Variants in CD28 observed in about 807,000 individuals in gnomAD.
CD28 encodes the protein T-cell-specific surface glycoprotein CD28.
A neutral mutation model predicts 21.4 loss-of-function variants in CD28; 8 were observed. The ratio of observed to expected loss-of-function variants is 0.37; its 90% CI spans 0.22 to 0.68. The LOEUF is 0.68. Among genes scored for constraint, CD28 ranks in the 30% least tolerant of loss-of-function variants. The pLI, the probability that CD28 is intolerant of heterozygous loss-of-function variation, is 0.55. For missense variants in CD28, 239 were observed against 272.2 expected (o/e 0.88, Z 0.86); for synonymous variants, 106 against 104.0 (o/e 1.02, Z -0.12).
rs765515314 is a variant in CD28 at position 203,734,839 on chromosome 2, G to A, written c.590G>A (p.Arg197His). 2.0e-5 allele frequency: 33 copies of A among 1,613,972 alleles called. No individual in the cohort carries two copies. Among genetic ancestry groups the A allele is most frequent in the Admixed American group, 1.3e-4 (8 of 60,000 alleles). Residue 197 changes from arginine to histidine, a missense_variant, in exon 4 of 4, where the codon CGC becomes CAC. Coordinates refer to ENST00000324106, the MANE Select transcript of CD28 (RefSeq NM_006139.4). Reference protein sequence around the residue: ...LHSDYMNMTPRRPGPTRKHYQ... With the variant: ...LHSDYMNMTPHRPGPTRKHYQ... ...AGTGACTACATGAACATGACTCCCCGCCGCCCCGGGCCCACCCGCAAGCAT... is the reference window on the plus strand; with the variant it reads ...AGTGACTACATGAACATGACTCCCCACCGCCCCGGGCCCACCCGCAAGCAT...
intron 1 of CD28, among the ~76,000 whole-genome samples, chr2:203,724,918 C>G (rs531863611): frequency 1.3e-5 from 2 of 152,182 alleles, no homozygotes; most frequent in African/African-American, 2.4e-5. Flanking sequence ...TATTAACATA[C>G]CCCAAAACAA....
intron 1 of CD28, among the ~76,000 whole-genome samples, chr2:203,721,701 T>A (rs1581507858): frequency 6.6e-6 from 1 of 152,318 alleles, no homozygotes; most frequent in Non-Finnish European, 1.5e-5. Flanking sequence ...GTTTCCCTGT[T>A]GCCCCCGGAA....
chr2:203,737,611 T>C lies in CD28; in HGVS notation c.*2699T>C, dbSNP rs1302370543. ...ACTATTAGTATGAACCAAGAAATGG[T>C]TCAAAAACAGTGGTAGGAGCAATGC... On this transcript the variant is annotated 3_prime_UTR_variant, in exon 4 of 4. Transcript: ENST00000324106. 1 of 152,590 alleles carries C rather than the reference T, an allele frequency of 6.6e-6. No individual in the cohort carries two copies. Among genetic ancestry groups the C allele is most frequent in the Non-Finnish European group, 1.5e-5 (1 of 68,024 alleles). 9.5% of individuals were successfully genotyped at this position (152,590 alleles called of 1,614,324 possible).
At position 203,719,392 on chromosome 2, in the gene CD28, T is replaced by C. The variant is rs142498440; in HGVS notation, c.53-7241T>C. 1.7e-4 allele frequency among the ~76,000 whole-genome samples: 26 copies of C among 152,302 alleles called. No individual in the cohort carries two copies. The East Asian group carries it at 4.6e-3, about 27-fold the overall frequency. ...GAAATGTATTTTGTTCTGGTCCTCT[T>C]CCCATTCCATTCACTCCCCTACTTA... On this transcript the variant is annotated intron_variant, in intron 1 of 3. Transcript: ENST00000324106.
At position 203,719,106 on chromosome 2, in the gene CD28, G is replaced by C. The variant is rs187789917; in HGVS notation, c.53-7527G>C. 1.5e-3 allele frequency among the ~76,000 whole-genome samples: 228 copies of C among 152,284 alleles called. 4 individuals are homozygous for C. The highest frequency in any genetic ancestry group is 0.013 in the Admixed American group (194 of 15,300). ...TAGATATGAGCATGAAATAAATTCA[G>C]TCTTGCTGAATGAACAAAGTTGTTT... On this transcript the variant is annotated intron_variant, in intron 1 of 3. Transcript: ENST00000324106.
rs928420852 is a variant in CD28 at position 203,738,272 on chromosome 2, C to G, written c.*3360C>G. ...AGGGTATTGATGGTTAAATGCATGTCTGATCCCTTATCCCAGCCATTTGCA... is the reference window on the plus strand; with the variant it reads ...AGGGTATTGATGGTTAAATGCATGTGTGATCCCTTATCCCAGCCATTTGCA... On this transcript the variant is annotated 3_prime_UTR_variant, in exon 4 of 4. Coordinates refer to ENST00000324106, the MANE Select transcript of CD28 (RefSeq NM_006139.4). The G allele has an allele frequency of 1.3e-5, 2 of 152,178 alleles. No individual in the cohort carries two copies. The highest frequency in any genetic ancestry group is 3.8e-4 in the East Asian group (2 of 5,196). The allele number at this position is 152,178 out of a possible 1,614,324, so 9.4% of individuals were successfully genotyped here.
intron 1 of CD28, among the ~76,000 whole-genome samples, chr2:203,712,160 C>G (rs975080008): frequency 3.3e-5 from 5 of 151,724 alleles, no homozygotes; most frequent in Admixed American, 6.6e-5. Context: ...TCAATGCACT[C>G]CAGCCTGGGT....
chr2:203,724,471 A>G (rs1002555036), intron 1 of CD28, among the ~76,000 whole-genome samples: 1 of 152,228 alleles, frequency 6.6e-6, no homozygotes, highest in Non-Finnish European at 1.5e-5. Flanking sequence ...CAATTAAATC[A>G]GAATTTCCGG....
At chr2:203,710,457 C>T (rs1295817760) in intron 1 of CD28, among the ~76,000 whole-genome samples, 1 of 152,164 alleles carries the variant, frequency 6.6e-6, no homozygotes, top group East Asian at 1.9e-4. Context: ...ATTGTAACTC[C>T]AAAGCTCTCA....
chr2:203,725,640 A>G (rs893674739), intron 1 of CD28, among the ~76,000 whole-genome samples: 3 of 152,128 alleles, frequency 2.0e-5, no homozygotes, highest in African/African-American at 2.4e-5. Flanking sequence ...AGATTCTTTG[A>G]TCTTTTATTG....
intron 1 of CD28, among the ~76,000 whole-genome samples, chr2:203,725,517 G>T (rs533789515): frequency 6.6e-6 from 1 of 151,912 alleles, no homozygotes; most frequent in East Asian, 1.9e-4. Context: ...ATATTGTCCT[G>T]TGCCAACAAT....
At chr2:203,734,545 C>A (rs938780228) in intron 3 of CD28, among the ~76,000 whole-genome samples, 1 of 152,166 alleles carries the variant, frequency 6.6e-6, no homozygotes, top group Non-Finnish European at 1.5e-5. Flanking sequence ...CAGATGACAG[C>A]ATTGAGAGTA....
chr2:203,709,349 T>A lies in CD28; in HGVS notation c.52+2601T>A, dbSNP rs563467586. Among the ~76,000 whole-genome samples the A allele has an allele frequency of 2.6e-5, 4 of 152,350 alleles. No homozygotes were observed. In the South Asian group the frequency reaches 8.3e-4, roughly 32 times the overall value. On this transcript the variant is annotated intron_variant, in intron 1 of 3. Transcript: ENST00000324106. ...GAAGAATAGTTCTTTTTTCCATTAA[T>A]TTAATAATGTGTGTGTATGTATGTA...
At position 203,734,984 on chromosome 2, in the gene CD28, A is replaced by G; in HGVS notation, c.*72A>G. 1 of 1,549,144 alleles carries G rather than the reference A, an allele frequency of 6.5e-7. No homozygotes were observed. On this transcript the variant is annotated 3_prime_UTR_variant, in exon 4 of 4. Transcript: ENST00000324106. ...TCAATATCACTGCTCTGGATAGGAAATGACCGCCATCTCCAGCCGGCCACC... is the reference window on the plus strand; with the variant it reads ...TCAATATCACTGCTCTGGATAGGAAGTGACCGCCATCTCCAGCCGGCCACC...
rs140533499 is a variant in CD28, at chr2:203,710,158, G to A, written c.52+3410G>A. On this transcript the variant is annotated intron_variant, in intron 1 of 3. Coordinates refer to ENST00000324106, the MANE Select transcript of CD28 (RefSeq NM_006139.4). ...AATGTCAAAAAATCAACAGATTGCC[G>A]TATTTACATGACTTCCAATATGCTG... Among the ~76,000 whole-genome samples, 25 of 152,284 alleles carry A rather than the reference G, an allele frequency of 1.6e-4. 1 individual carries two copies. Among genetic ancestry groups the A allele is most frequent in the South Asian group, 2.1e-4 (1 of 4,830 alleles).
At chr2:203,712,529 T>C (rs1322165539) in intron 1 of CD28, among the ~76,000 whole-genome samples, 4 of 152,256 alleles carry the variant, frequency 2.6e-5, no homozygotes, top group Non-Finnish European at 5.9e-5. Flanking sequence ...AAATTATTAC[T>C]GTGTATTGAC....
intron 1 of CD28, among the ~76,000 whole-genome samples, chr2:203,714,404 G>A (rs1009373270): frequency 6.6e-6 from 1 of 152,098 alleles, no homozygotes; most frequent in African/African-American, 2.4e-5. Flanking sequence ...TTCCAGTCAG[G>A]GATGTTAATC....
intron 1 of CD28, among the ~76,000 whole-genome samples, chr2:203,709,596 G>A (rs1342568671): frequency 3.3e-5 from 5 of 152,092 alleles, no homozygotes; most frequent in African/African-American, 7.2e-5. Context: ...TACTAGACTC[G>A]GATAATTGTG....
intron 1 of CD28, among the ~76,000 whole-genome samples, chr2:203,712,342 CAGAT>C (rs1263876448): frequency 6.6e-6 from 1 of 152,124 alleles, no homozygotes; most frequent in Admixed American, 6.5e-5. Context: ...CATCTGGAAA[CAGAT>C]AAATAACACT....
Sources: allele counts gnomAD v4.1 joint callset (sites outside exome capture counted in the v4.1 genomes callset), GRCh38; gene constraint gnomAD v4.1.1; transcripts MANE v1.5; gene names NCBI Gene and HGNC (gene_info 2026-07-23, HGNC 2026-07-21).